The following ABCB11 variants were observed in gnomAD, a reference collection of about 807,000 sequenced individuals.
ABCB11 encodes bile salt export pump.
In ABCB11, 95 loss-of-function variants were observed where a neutral mutation model predicts 148.0. The observed-to-expected ratio is 0.64, with a 90% confidence interval of 0.54 to 0.76. ABCB11 has a LOEUF of 0.76. Ranked by LOEUF, ABCB11 falls within the 30% of genes least tolerant of loss-of-function variation. The probability of loss-of-function intolerance (pLI) is 0.00; values close to 1 mark genes in which losing one functional copy is unlikely to be tolerated. For missense variants in ABCB11, 1,523 were observed against 1,617.8 expected, an observed-to-expected ratio of 0.94 and a Z score of 1.01; for synonymous variants, 591 against 555.4, an observed-to-expected ratio of 1.06 and a Z score of -0.90.
chr2:168,958,224 G>T, intron 18 of ABCB11, 96 bp from the exon 19 acceptor site: 1 of 1,222,838 alleles, frequency 8.2e-7, no homozygotes, highest in Non-Finnish European at 1.2e-6. Flanking sequence ...GTCATAGTTT[G>T]ATTAGTTATG....
intron 5 of ABCB11, among the ~76,000 whole-genome samples, chr2:169,004,545 A>G (rs1694967046): frequency 6.6e-6 from 1 of 152,090 alleles, no homozygotes; most frequent in South Asian, 2.1e-4. Flanking sequence ...TATGCTATCT[A>G]TTTAACTGAA....
chr2:168,962,857 T>C (rs189706380), intron 18 of ABCB11, among the ~76,000 whole-genome samples: 1 of 151,848 alleles, frequency 6.6e-6, no homozygotes, highest in East Asian at 2.0e-4. Flanking sequence ...TTGCTAAATG[T>C]GTTTTCTCTC....
At chr2:168,927,091 C>T (rs1691348411) in intron 26 of ABCB11, 65 bp downstream of exon 26, 1 of 1,449,378 alleles carries the variant, frequency 6.9e-7, no homozygotes. Flanking sequence ...AACCTGTACA[C>T]TCTGGTCATT....
At chr2:168,996,457 T>C (rs926356279) in intron 6 of ABCB11, among the ~76,000 whole-genome samples, 178 bp downstream of exon 6, 1 of 151,982 alleles carries the variant, frequency 6.6e-6, no homozygotes, top group Non-Finnish European at 1.5e-5. Context: ...CAGCCACTTG[T>C]ATCCTCCTAA....
At chr2:168,997,543 T>C (rs1261404851) in intron 5 of ABCB11, among the ~76,000 whole-genome samples, 4 of 152,024 alleles carry the variant, frequency 2.6e-5, no homozygotes, top group Non-Finnish European at 5.9e-5. Flanking sequence ...CATTCCATAA[T>C]TAGAAAATTA....
At chr2:168,996,790 GATATAGAGGGATTTAAAAAAT>G in intron 5 of ABCB11, 68 bp from the exon 6 acceptor site, 1 of 621,954 alleles carries the variant, frequency 1.6e-6, no homozygotes, top group South Asian at 4.5e-5. Flanking sequence ...TACATTTGTG[GATATAGAGGGATTTAAAAAAT>G]ATATATATTT....
At position 168,923,017 on chromosome 2, in the gene ABCB11, T is replaced by G; in HGVS notation, c.*605A>C. ...AACTGGAAAGCTCATGCTAATACTT[T>G]CCCTTTCTGCCTCCCTCAGCCTGAG... On this transcript the variant is annotated 3_prime_UTR_variant, in exon 28 of 28. Coordinates refer to ENST00000650372, the MANE Select transcript of ABCB11 (RefSeq NM_003742.4). 6.5e-6 allele frequency: 1 copy of G among 154,734 alleles called. No individual in the cohort carries two copies. 9.6% of individuals were successfully genotyped at this position (154,734 alleles called of 1,614,324 possible).
chr2:168,958,214 G>T, intron 18 of ABCB11, 86 bp from the exon 19 acceptor site: 1 of 1,339,602 alleles, frequency 7.5e-7, no homozygotes, highest in Non-Finnish European at 1.0e-6. Context: ...AGATTTAAGA[G>T]TCATAGTTTG....
At chr2:168,987,905 A>G (rs1239879396) in intron 9 of ABCB11, among the ~76,000 whole-genome samples, 2 of 152,196 alleles carry the variant, frequency 1.3e-5, no homozygotes, top group Admixed American at 6.5e-5. Flanking sequence ...TATTTATGGT[A>G]TACAACATGA....
chr2:168,962,878 A>G (rs916771685), intron 18 of ABCB11, among the ~76,000 whole-genome samples: 20 of 151,742 alleles, frequency 1.3e-4, no homozygotes, highest in African/African-American at 4.8e-4. Flanking sequence ...ACTGTGATTC[A>G]TCCTGCTGCT....
Position 168,923,706 on chromosome 2 carries a change from C to T in ABCB11, c.3882G>A (p.Val1294=). The change falls in exon 28 of 28, where the codon GTG becomes GTA. Residue 1294 remains valine, a synonymous_variant. Coordinates refer to ENST00000650372, the MANE Select transcript of ABCB11 (RefSeq NM_003742.4). ...DIIAVMAQGV[V]IEKGTHEELM... is the part of the protein sequence containing the mutation. ...GTTCTTCATGGGTCCCCTTTTCAAT[C>T]ACCACCCCCTGTGCCATGACAGCAA... 6.2e-7 allele frequency: 1 copy of T among 1,613,814 alleles called. No individual in the cohort carries two copies. The highest frequency in any genetic ancestry group is 8.5e-7 in the Non-Finnish European group (1 of 1,179,850).
At chr2:168,944,517 T>C (rs544968183) in intron 21 of ABCB11, 88 bp downstream of exon 21, 72 of 1,408,828 alleles carry the variant, frequency 5.1e-5, no homozygotes, top group Admixed American at 3.1e-4. Context: ...CCCTATTCCA[T>C]AGAAAACATG....
downstream of ABCB11, among the ~76,000 whole-genome samples, chr2:168,920,517 T>C (rs765378909): frequency 6.6e-5 from 10 of 150,850 alleles, no homozygotes; most frequent in South Asian, 2.1e-4. Context: ...TTCAGAGAAA[T>C]TTCCCCAACT....
Position 169,018,030 on chromosome 2 carries a change from G to A in ABCB11, c.76+20C>T. The A allele has an allele frequency of 6.3e-7, 1 of 1,596,382 alleles. No homozygotes were observed. ...CACCTCTCCTTGTACAAGATGCAGT[G>A]AGGGAAAAAAGCCACTCACATGATT... is the stretch of plus-strand genomic sequence containing the variant. On this transcript the variant is annotated intron_variant, in intron 2 of 27. Coordinates refer to ENST00000650372, the MANE Select transcript of ABCB11 (RefSeq NM_003742.4).
At chr2:169,029,012 C>G (rs1695781636) in intron 1 of ABCB11, among the ~76,000 whole-genome samples, 1 of 152,160 alleles carries the variant, frequency 6.6e-6, no homozygotes, top group African/African-American at 2.4e-5. Flanking sequence ...CATTGAGGAG[C>G]TGAGGACAGT....
intron 5 of ABCB11, among the ~76,000 whole-genome samples, chr2:169,010,273 A>T (rs1695141355): frequency 6.6e-6 from 1 of 152,188 alleles, no homozygotes; most frequent in Non-Finnish European, 1.5e-5. Flanking sequence ...CAACTGTGGT[A>T]TTTTAACTTC....
At chr2:168,992,469 G>C (rs747434790) in intron 8 of ABCB11, among the ~76,000 whole-genome samples, 1 of 152,088 alleles carries the variant, frequency 6.6e-6, no homozygotes, top group Non-Finnish European at 1.5e-5. Flanking sequence ...GAAGTTGAGG[G>C]TTCTCTGGAG....
rs77284310 is a variant in ABCB11 at position 168,949,739 on chromosome 2, G to C, written c.2344-4778C>G. On this transcript the variant is annotated intron_variant, in intron 19 of 27. Transcript: ENST00000650372. ...GATGGCTAATACTGAGTGACAACTTGATTGAAGAATACAAAGTATTGATCC... is the reference window on the plus strand; with the variant it reads ...GATGGCTAATACTGAGTGACAACTTCATTGAAGAATACAAAGTATTGATCC... Among the ~76,000 whole-genome samples the C allele has an allele frequency of 5.8e-3, 876 of 151,602 alleles. 12 individuals are homozygous for C. The highest frequency in any genetic ancestry group is 0.019 in the African/African-American group (789 of 41,464).
chr2:169,029,405 C>T (rs1573997888), intron 1 of ABCB11, among the ~76,000 whole-genome samples: 1 of 151,940 alleles, frequency 6.6e-6, no homozygotes, highest in East Asian at 1.9e-4. Context: ...AGGAAAGAAA[C>T]ATTTAATATA....
Sources: gnomAD v4.1 joint callset for allele counts (sites outside exome capture counted in the v4.1 genomes callset) on GRCh38, gnomAD v4.1.1 for gene constraint, MANE v1.5 for transcripts, NCBI Gene and HGNC (gene_info 2026-07-23, HGNC 2026-07-21) for gene names.